The following ERI1 variants were observed in gnomAD, a reference collection of about 807,000 sequenced individuals.
ERI1 encodes exoribonuclease 1, also known as 3'-5' exoribonuclease 1.
A neutral mutation model predicts 39.7 loss-of-function variants in ERI1; 39 were observed. The ratio of observed to expected loss-of-function variants is 0.98; its 90% confidence interval spans 0.76 to 1.28. The LOEUF (loss-of-function observed/expected upper bound fraction) is 1.28, where lower values mean the gene tolerates loss of function less well. Among genes scored for constraint, ERI1 ranks in the 50% most tolerant of loss-of-function variants. The pLI, the probability that ERI1 is intolerant of heterozygous loss-of-function variation, is 0.00. For missense variants in ERI1, 581 were observed against 416.9 expected (o/e 1.39, Z -3.43); for synonymous variants, 204 against 149.6 (o/e 1.36, Z -2.65).
At chr8:9,052,511 G>A (rs1798391418) in intron 3 of ERI1, among the ~76,000 whole-genome samples, 1 of 152,130 alleles carries the variant, frequency 6.6e-6, no homozygotes, top group Admixed American at 6.5e-5. Flanking sequence ...AGCATTCTGG[G>A]TAAGCAGCAT....
chr8:9,027,879 A>AT (rs1308861174), intron 6 of ERI1, among the ~76,000 whole-genome samples: 1 of 152,154 alleles, frequency 6.6e-6, no homozygotes, highest in Non-Finnish European at 1.5e-5. Flanking sequence ...TGTTAACATT[A>AT]TTTTTTAAAT....
At chr8:9,018,204 T>C (rs1817504069) in intron 4 of ERI1, 93 bp from the exon 5 acceptor site, 1 of 621,362 alleles carries the variant, frequency 1.6e-6, no homozygotes, top group South Asian at 2.4e-5. Context: ...TTTCTCATAC[T>C]GTTTCTTCCC....
In ERI1 at chr8:9,030,711, C is replaced by T. The variant is rs994330525; in HGVS notation, c.*677C>T. On this transcript the variant is annotated 3_prime_UTR_variant, in exon 7 of 7. Transcript: ENST00000250263. ...ATCATAAGGGCTGTAGCTCAAACTT[C>T]ATAATACATAAATCACTGGGGTCTT... 2 of 152,208 alleles carry T rather than the reference C, an allele frequency of 1.3e-5. No individual in the cohort carries two copies. The highest frequency in any genetic ancestry group is 4.8e-5 in the African/African-American group (2 of 41,452). 9.4% of individuals were successfully genotyped at this position (152,208 alleles called of 1,614,324 possible).
In ERI1 at chr8:9,008,685, A is replaced by G. The variant is rs118142033; in HGVS notation, c.287+537A>G. Among the ~76,000 whole-genome samples the G allele has an allele frequency of 2.5e-3, 375 of 152,318 alleles. 2 individuals are homozygous for G. The highest frequency in any genetic ancestry group is 4.2e-3 in the Non-Finnish European group (285 of 68,018). On this transcript the variant is annotated intron_variant, in intron 2 of 6. Coordinates refer to ENST00000250263, the MANE Select transcript of ERI1 (RefSeq NM_153332.4). ...TCAACTGTATGTGTATTTTAATGAG[A>G]TATACACATACCTAAGTTTTTAGTA...
At chr8:9,020,896 C>T (rs117629788) in intron 6 of ERI1, among the ~76,000 whole-genome samples, 116 of 152,254 alleles carry the variant, frequency 7.6e-4, no homozygotes, top group Admixed American at 1.4e-3. Flanking sequence ...ACACTTTCAA[C>T]TTATGTAAAG....
chr8:9,013,944 A>G (rs1490002349), intron 3 of ERI1, among the ~76,000 whole-genome samples: 1 of 152,174 alleles, frequency 6.6e-6, no homozygotes, highest in Non-Finnish European at 1.5e-5. Flanking sequence ...GACTTACTGC[A>G]TTCGCCACCT....
intron 3 of ERI1, among the ~76,000 whole-genome samples, chr8:9,090,183 A>G (rs1481877593): frequency 6.6e-6 from 1 of 151,942 alleles, no homozygotes; most frequent in Non-Finnish European, 1.5e-5. Flanking sequence ...CACTTGCTTG[A>G]CCCAATTATG....
chr8:9,033,975 T>A (rs1797753222), downstream of ERI1, among the ~76,000 whole-genome samples: 1 of 152,278 alleles, frequency 6.6e-6, no homozygotes, highest in South Asian at 2.1e-4. Flanking sequence ...TAACTTCTAA[T>A]GTGACCAGCT....
chr8:9,028,238 A>G (rs1379031005), intron 6 of ERI1, among the ~76,000 whole-genome samples: 1 of 152,198 alleles, frequency 6.6e-6, no homozygotes, highest in Admixed American at 6.5e-5. Context: ...TTACTGATTC[A>G]GTCTCCTTCC....
chr8:9,033,493 C>T (rs777488406), downstream of ERI1, among the ~76,000 whole-genome samples: 28 of 152,276 alleles, frequency 1.8e-4, no homozygotes, highest in Non-Finnish European at 3.7e-4. Flanking sequence ...CCTTACCTCC[C>T]TTATGTAATG....
chr8:9,004,485 C>CTTTTTTTTTTTTTTTTTTT (rs71201904), intron 1 of ERI1, among the ~76,000 whole-genome samples: 2 of 78,328 alleles, frequency 2.6e-5, no homozygotes, highest in African/African-American at 1.0e-4. Flanking sequence ...TATAGTGATA[C>CTTTTTTTTTTTTTTTTTTT]TTTTTTTTTT....
At chr8:9,094,767 G>A (rs1360447749) in intron 3 of ERI1, among the ~76,000 whole-genome samples, 5 of 152,088 alleles carry the variant, frequency 3.3e-5, no homozygotes, top group Non-Finnish European at 7.3e-5. Context: ...CTTAACAATG[G>A]CAGCCTGTCT....
intron 3 of ERI1, among the ~76,000 whole-genome samples, chr8:9,078,457 C>G (rs1055660435): frequency 2.6e-5 from 4 of 152,074 alleles, no homozygotes; most frequent in Non-Finnish European, 5.9e-5. Flanking sequence ...AACCATAGAG[C>G]TAATACTTGG....
chr8:9,016,732 C>T (rs1817332615), intron 4 of ERI1, among the ~76,000 whole-genome samples: 1 of 152,218 alleles, frequency 6.6e-6, no homozygotes, highest in Non-Finnish European at 1.5e-5. Flanking sequence ...GTCACCCAGG[C>T]TTGAGTACAG....
intron 3 of ERI1, among the ~76,000 whole-genome samples, chr8:9,059,562 T>C (rs1352219475): frequency 6.6e-6 from 1 of 151,984 alleles, no homozygotes; most frequent in Non-Finnish European, 1.5e-5. Context: ...GATGATGGCC[T>C]AGATACAATT....
At chr8:9,035,977 T>G (rs1409691960), downstream of ERI1, among the ~76,000 whole-genome samples, 1 of 152,204 alleles carries the variant, frequency 6.6e-6, no homozygotes, top group African/African-American at 2.4e-5. Flanking sequence ...AAGTCACTGC[T>G]GATGTGGTGG....
intron 3 of ERI1, among the ~76,000 whole-genome samples, chr8:9,065,716 G>GCTGACTC (rs146300829): frequency 0.83 from 114,958 of 138,640 alleles, 48,440 homozygotes; most frequent in South Asian, 0.92. Flanking sequence ...AAAAAAAAAG[G>GCTGACTC]CTGACTCCTG....
At chr8:9,039,911 G>C (rs1285483088) in intron 3 of ERI1, among the ~76,000 whole-genome samples, 1 of 152,112 alleles carries the variant, frequency 6.6e-6, no homozygotes, top group Non-Finnish European at 1.5e-5. Flanking sequence ...TTTTTTGTGA[G>C]CAGTTTTGTC....
chr8:9,028,786 G>C (rs1489984438), intron 6 of ERI1, among the ~76,000 whole-genome samples: 2 of 151,996 alleles, frequency 1.3e-5, no homozygotes, highest in Non-Finnish European at 2.9e-5. Context: ...ACCATAGCCA[G>C]ATAATTTTTA....
Sources: gnomAD v4.1 joint callset for allele counts (sites outside exome capture counted in the v4.1 genomes callset) on GRCh38, gnomAD v4.1.1 for gene constraint, MANE v1.5 for transcripts, NCBI Gene and HGNC (gene_info 2026-07-23, HGNC 2026-07-21) for gene names.